NUP160: variants seen among roughly 807,000 people sequenced by gnomAD.
NUP160 encodes the protein nucleoporin 160, also known as nuclear pore complex protein Nup160.
In NUP160, 94 loss-of-function variants were observed where a neutral mutation model predicts 196.9. That is an observed-to-expected ratio of 0.48 (90% confidence interval 0.40 to 0.57). The LOEUF is 0.57. Among genes scored for constraint, NUP160 ranks in the 20% least tolerant of loss-of-function variants. The probability of loss-of-function intolerance (pLI) is 0.00; values close to 1 mark genes in which losing one functional copy is unlikely to be tolerated. For synonymous variants in NUP160, 605 were observed against 619.7 expected, an observed-to-expected ratio of 0.98 and a Z score of 0.35; for missense variants, 1,638 against 1,748.3, an observed-to-expected ratio of 0.94 and a Z score of 1.13.
intron 22 of NUP160, among the ~76,000 whole-genome samples, chr11:47,803,142 AAATAAT>A (rs55654627): frequency 0.014 from 1,879 of 139,032 alleles, 42 homozygotes; most frequent in African/African-American, 0.044. Flanking sequence ...TGATTTTACA[AAATAAT>A]AATAATAATA....
At position 47,811,839 on chromosome 11, in the gene NUP160, C is replaced by T. The variant is rs116371851; in HGVS notation, c.2241+225G>A. Among the ~76,000 whole-genome samples, 745 of 152,154 alleles carry T rather than the reference C, an allele frequency of 4.9e-3. 1 individual carries two copies. Among genetic ancestry groups the T allele is most frequent in the African/African-American group, 0.017 (714 of 41,508 alleles). On this transcript the variant is annotated intron_variant, in intron 17 of 35. Transcript: ENST00000378460. ...CTGATGTTCTCCCTCCCCACCGTCCCCTCCATATATGCTCTTAATCTATAC... is the reference window on the plus strand; with the variant it reads ...CTGATGTTCTCCCTCCCCACCGTCCTCTCCATATATGCTCTTAATCTATAC...
chr11:47,795,454 AAT>A (rs1473936185), intron 27 of NUP160, among the ~76,000 whole-genome samples: 1 of 152,182 alleles, frequency 6.6e-6, no homozygotes, highest in Non-Finnish European at 1.5e-5. Flanking sequence ...AGAATATGCA[AAT>A]ATGTTTTACT....
Position 47,779,207 on chromosome 11 carries a change from A to G in NUP160, c.4222-13T>C. 1 of 1,564,066 alleles carries G rather than the reference A, an allele frequency of 6.4e-7. No homozygotes were observed. The highest frequency in any genetic ancestry group is 8.8e-7 in the Non-Finnish European group (1 of 1,136,668). On this transcript the variant is annotated splice_polypyrimidine_tract_variant and intron_variant, in intron 35 of 35. Coordinates refer to ENST00000378460, the Ensembl canonical transcript of NUP160. ...TTTTCTGGGACAGCTATAAGAGAAA[A>G]GAAGGAAAACATTACATAACAGCTC...
intron 7 of NUP160, among the ~76,000 whole-genome samples, chr11:47,824,486 T>C (rs1851928905): frequency 6.6e-6 from 1 of 151,802 alleles, no homozygotes; most frequent in Non-Finnish European, 1.5e-5. Context: ...GGCACGTACC[T>C]GTAGTCCCAG....
exon 7 of NUP160, chr11:47,835,733 G>C (rs759112491): frequency 1.9e-6 from 3 of 1,606,420 alleles, no homozygotes; most frequent in African/African-American, 2.7e-5. Flanking sequence ...TTTGTGTCCA[G>C]TTCCAGCAGT....
chr11:47,847,255 C>G (rs565594972), intron 2 of NUP160, among the ~76,000 whole-genome samples: 105 of 152,234 alleles, frequency 6.9e-4, no homozygotes, highest in Admixed American at 3.0e-3. Flanking sequence ...AACCTCGTGT[C>G]CTTTAGATCT....
At chr11:47,779,451 A>G (rs1370835988) in intron 35 of NUP160, 1 of 488,096 alleles carries the variant, frequency 2.0e-6, no homozygotes, top group Non-Finnish European at 3.9e-6. Context: ...CAGTATTTCT[A>G]ATAAAAGGAT....
chr11:47,784,071 A>C (rs550652202), intron 33 of NUP160, among the ~76,000 whole-genome samples: 6 of 152,188 alleles, frequency 3.9e-5, no homozygotes, highest in African/African-American at 1.2e-4. Context: ...ACCAAAAAAA[A>C]CTTTCCTGAT....
At chr11:47,796,360 T>G (rs2097670913) in intron 27 of NUP160, 1 of 612,328 alleles carries the variant, frequency 1.6e-6, no homozygotes, top group Non-Finnish European at 2.9e-6. Flanking sequence ...CAAATGGAAT[T>G]TATCCTTACA....
At chr11:47,835,793 A>G (rs1202453104) in exon 7 of NUP160, 1 of 1,590,228 alleles carries the variant, frequency 6.3e-7, no homozygotes, top group Non-Finnish European at 8.6e-7. Context: ...GTCAGCTACC[A>G]TTAGGCACAT....
chr11:47,805,667 C>T (rs1481177465), intron 20 of NUP160, among the ~76,000 whole-genome samples: 3 of 150,876 alleles, frequency 2.0e-5, no homozygotes, highest in Middle Eastern at 3.5e-3. Context: ...AGGATGGTCT[C>T]GATCTCCTGA....
intron 4 of NUP160, among the ~76,000 whole-genome samples, chr11:47,838,074 TAA>T (rs972207748): frequency 5.2e-4 from 79 of 151,848 alleles, no homozygotes; most frequent in African/African-American, 1.8e-3. Flanking sequence ...GTCAGAAAAA[TAA>T]GACACAAAAG....
At chr11:47,844,262 C>T (rs568371397) in intron 2 of NUP160, among the ~76,000 whole-genome samples, 29 of 152,282 alleles carry the variant, frequency 1.9e-4, no homozygotes, top group African/African-American at 6.5e-4. Context: ...TCCCCCACCA[C>T]GCTCTATTCT....
intron 10 of NUP160, 113 bp from the exon 11 acceptor site, chr11:47,818,237 A>G (rs143752276): frequency 2.9e-6 from 2 of 681,306 alleles, no homozygotes; most frequent in East Asian, 2.6e-5. Context: ...TTGCCCTTCT[A>G]TATGTGGGCA....
At position 47,809,107 on chromosome 11, in the gene NUP160, G is replaced by GA. The variant is rs549313646; in HGVS notation, c.2242-579dup. 1.8e-3 allele frequency among the ~76,000 whole-genome samples: 255 copies of GA among 142,616 alleles called. 2 individuals carry two copies. The highest frequency in any genetic ancestry group is 5.9e-3 in the African/African-American group (230 of 39,110). 93.6% of individuals were successfully genotyped at this position (142,616 alleles called of 152,430 possible). On this transcript the variant is annotated intron_variant, in intron 17 of 35. Coordinates refer to ENST00000378460, the Ensembl canonical transcript of NUP160. ...CAGAGCAAGACTCCGTCTTAAAAAA[G>GA]AAAAAAAAAAATTAGCCTGAGTGGT...
chr11:47,809,015 C>A (rs1052491038), intron 17 of NUP160, among the ~76,000 whole-genome samples: 1 of 151,858 alleles, frequency 6.6e-6, no homozygotes, highest in Non-Finnish European at 1.5e-5. Context: ...GCAGGAGAAT[C>A]GCTTGAACCC....
intron 7 of NUP160, among the ~76,000 whole-genome samples, chr11:47,835,008 A>C (rs1852146728): frequency 6.6e-6 from 1 of 151,826 alleles, no homozygotes; most frequent in Non-Finnish European, 1.5e-5. Flanking sequence ...ATCCCAACAG[A>C]AGTGAGAAGG....
In NUP160 at chr11:47,806,200, A is replaced by G. The variant is rs201150459; in HGVS notation, c.2559T>C (p.Asn853=). Reference sequence around the variant, plus strand: ...TAATTGCAGTAATCATTTCAGGCCAATTCAATCCAGTTTGGCTCAGAGGTG... The same window carrying G: ...TAATTGCAGTAATCATTTCAGGCCAGTTCAATCCAGTTTGGCTCAGAGGTG... Residue 853 remains asparagine, a synonymous_variant, in exon 20 of 36, where the codon AAT becomes AAC. Coordinates refer to ENST00000378460, the Ensembl canonical transcript of NUP160. 30 of 1,614,074 alleles carry G rather than the reference A, an allele frequency of 1.9e-5. No homozygotes were observed. The highest frequency in any genetic ancestry group is 3.3e-4 in the Middle Eastern group (2 of 6,084).
chr11:47,781,012 G>A (rs1417273907), intron 34 of NUP160, among the ~76,000 whole-genome samples: 17 of 151,468 alleles, frequency 1.1e-4, no homozygotes, highest in Admixed American at 1.1e-3. Context: ...GGATCACAAG[G>A]TCAGGAGTTC....
Sources: gnomAD v4.1 joint callset for allele counts (sites outside exome capture counted in the v4.1 genomes callset) on GRCh38, gnomAD v4.1.1 for gene constraint, MANE v1.5 for transcripts, NCBI Gene and HGNC (gene_info 2026-07-23, HGNC 2026-07-21) for gene names.